MAPK8IP3: variants seen among roughly 807,000 people sequenced by gnomAD.
The protein encoded by MAPK8IP3 is mitogen-activated protein kinase 8 interacting protein 3, also known as C-Jun-amino-terminal kinase-interacting protein 3.
A neutral mutation model predicts 157.8 loss-of-function variants in MAPK8IP3; 49 were observed. The ratio of observed to expected loss-of-function variants is 0.31; its 90% CI spans 0.25 to 0.39. The LOEUF (loss-of-function observed/expected upper bound fraction) is 0.39. MAPK8IP3 is among the 10% of genes least tolerant of loss of function. MAPK8IP3 has a pLI of 1.00. For synonymous variants in MAPK8IP3, 897 were observed against 777.7 expected (o/e 1.15, Z -2.55); for missense variants, 1,478 against 1,889.4 (o/e 0.78, Z 4.04).
chr16:1,757,416 T>A (rs1000760894), intron 8 of MAPK8IP3, among the ~76,000 whole-genome samples: 2 of 152,186 alleles, frequency 1.3e-5, no homozygotes, highest in Non-Finnish European at 2.9e-5. Flanking sequence ...AGTGACTTTT[T>A]AATGCCATTT....
chr16:1,736,221 C>T (rs1384307122), intron 4 of MAPK8IP3, among the ~76,000 whole-genome samples: 1 of 97,960 alleles, frequency 1.0e-5, no homozygotes, highest in Non-Finnish European at 1.9e-5. Flanking sequence ...TCCGTGTGAG[C>T]GTCCGTGTAA....
chr16:1,737,025 C>T (rs2039976596), intron 4 of MAPK8IP3, among the ~76,000 whole-genome samples: 1 of 56,554 alleles, frequency 1.8e-5, no homozygotes, highest in Non-Finnish European at 3.3e-5. Context: ...AGAGTGTGAC[C>T]ATCCATGTGA....
chr16:1,713,937 C>G (rs1425975478), intron 1 of MAPK8IP3: 2 of 152,224 alleles, frequency 1.3e-5, no homozygotes, highest in Non-Finnish European at 2.9e-5. Context: ...CCCAGAGTTC[C>G]CTGTGTCCTA....
chr16:1,768,386 T>C lies in MAPK8IP3; in HGVS notation c.3742+8T>C, dbSNP rs372243879. On this transcript the variant is annotated splice_region_variant and intron_variant, in intron 30 of 31. Coordinates refer to ENST00000610761, the MANE Select transcript of MAPK8IP3 (RefSeq NM_001318852.2). ...TCTTTGTCTCGGTGCCAGGTGAGGC[T>C]GGGCCCCTCCTGCCATCCACATCCC... 9 of 1,599,054 alleles carry C rather than the reference T, an allele frequency of 5.6e-6. No homozygotes were observed. The highest frequency in any genetic ancestry group is 1.1e-5 in the South Asian group (1 of 91,006).
chr16:1,711,257 G>C (rs2037751711), intron 1 of MAPK8IP3, among the ~76,000 whole-genome samples: 1 of 152,226 alleles, frequency 6.6e-6, no homozygotes, highest in South Asian at 2.1e-4. Flanking sequence ...AAGGGGCTCA[G>C]GGGTCCCTGT....
At chr16:1,738,123 C>CGT (rs1208991585) in intron 4 of MAPK8IP3, among the ~76,000 whole-genome samples, 3 of 69,776 alleles carry the variant, frequency 4.3e-5, no homozygotes, top group Non-Finnish European at 7.6e-5. Flanking sequence ...TCCGTGTGAG[C>CGT]GTGACTGTCC....
intron 8 of MAPK8IP3, among the ~76,000 whole-genome samples, chr16:1,749,647 C>T (rs947383604): frequency 5.3e-5 from 8 of 152,254 alleles, no homozygotes; most frequent in Non-Finnish European, 8.8e-5. Context: ...TCAGGCATGA[C>T]AGGCGGGCAG....
Position 1,768,991 on chromosome 16 carries a change from G to C in MAPK8IP3, c.*167G>C. The C allele has an allele frequency of 2.7e-6, 2 of 739,702 alleles. No homozygotes were observed. The highest frequency in any genetic ancestry group is 2.7e-5 in the Admixed American group (1 of 36,978). The allele number at this position is 739,702 out of a possible 1,614,324, so 45.8% of individuals were successfully genotyped here. A position where few individuals can be genotyped will look rare whatever the true frequency, so the allele number is the denominator to read the frequency against. ...CAGCGGGCAGGGAGTGCGGGGATGC[G>C]GATCAGCTGGGAGGAGGAGGGGAGG... On this transcript the variant is annotated 3_prime_UTR_variant, in exon 32 of 32. Transcript: ENST00000610761.
At chr16:1,759,875 C>A in intron 10 of MAPK8IP3, 83 bp from the exon 11 acceptor site, 1 of 1,219,784 alleles carries the variant, frequency 8.2e-7, no homozygotes, top group Non-Finnish European at 1.2e-6. Flanking sequence ...TCTTTGGAAG[C>A]GTTGTTGCCC....
At position 1,769,235 on chromosome 16, in the gene MAPK8IP3, C is replaced by A. The variant is rs2042470004; in HGVS notation, c.*411C>A. On this transcript the variant is annotated 3_prime_UTR_variant, in exon 32 of 32. Transcript: ENST00000610761. ...GCTGCCTGCCCTGGGCCCACCTCTGCATGCTGCTCATGGGGCCACCCTGCC... is the reference window on the plus strand; with the variant it reads ...GCTGCCTGCCCTGGGCCCACCTCTGAATGCTGCTCATGGGGCCACCCTGCC... The A allele has an allele frequency of 2.2e-5, 5 of 224,388 alleles. No individual in the cohort carries two copies. In the South Asian group the frequency reaches 2.9e-4, roughly 13 times the overall value. 13.9% of individuals were successfully genotyped at this position (224,388 alleles called of 1,614,324 possible).
In MAPK8IP3 at chr16:1,769,797, G is replaced by A. The variant is rs562370638; in HGVS notation, c.*973G>A. 1.3e-3 allele frequency: 194 copies of A among 152,612 alleles called. No homozygotes were observed. The highest frequency in any genetic ancestry group is 2.2e-3 in the Non-Finnish European group (148 of 68,160). 9.5% of individuals were successfully genotyped at this position (152,612 alleles called of 1,614,324 possible). ...TCCACGGAGCCCAGCTCCCAGACAC[G>A]CTACTAAGTGCCTAGGGTTGCCCGC... On this transcript the variant is annotated 3_prime_UTR_variant, in exon 32 of 32. Coordinates refer to ENST00000610761, the MANE Select transcript of MAPK8IP3 (RefSeq NM_001318852.2).
At chr16:1,764,502 C>G (rs1439629627) in intron 19 of MAPK8IP3, 43 bp downstream of exon 19, 1 of 1,585,712 alleles carries the variant, frequency 6.3e-7, no homozygotes, top group African/African-American at 1.3e-5. Flanking sequence ...CTGGCTTAGT[C>G]TCAGGACAGC....
intron 1 of MAPK8IP3, among the ~76,000 whole-genome samples, chr16:1,713,032 A>T (rs2142279835): frequency 6.6e-6 from 1 of 152,308 alleles, no homozygotes; most frequent in South Asian, 2.1e-4. Flanking sequence ...GTGTGTGGAT[A>T]AAGGGAAGCC....
At chr16:1,733,951 G>A (rs952716532) in intron 4 of MAPK8IP3, among the ~76,000 whole-genome samples, 3 of 152,218 alleles carry the variant, frequency 2.0e-5, no homozygotes, top group African/African-American at 7.2e-5. Context: ...TGGGAGCAAC[G>A]CCAGCAGCAG....
intron 1 of MAPK8IP3, among the ~76,000 whole-genome samples, chr16:1,723,015 G>C (rs1218616880): frequency 6.6e-6 from 1 of 150,718 alleles, no homozygotes; most frequent in African/African-American, 2.4e-5. Flanking sequence ...TTTTTTGTTT[G>C]TTTGTTTTTG....
intron 4 of MAPK8IP3, among the ~76,000 whole-genome samples, chr16:1,737,580 G>A (rs1187523003): frequency 5.9e-5 from 6 of 101,308 alleles, no homozygotes; most frequent in African/African-American, 1.6e-4. Context: ...CTGTGTGACC[G>A]TCCGTGAGCA....
At chr16:1,758,044 C>A in intron 8 of MAPK8IP3, 104 bp from the exon 9 acceptor site, 1 of 1,193,090 alleles carries the variant, frequency 8.4e-7, no homozygotes, top group Non-Finnish European at 1.2e-6. Context: ...GCAGCCGAAT[C>A]ATTGCTGGGT....
At chr16:1,768,140 A>G (rs531901437) in intron 29 of MAPK8IP3, 33 bp downstream of exon 29, 5 of 1,611,996 alleles carry the variant, frequency 3.1e-6, no homozygotes, top group Middle Eastern at 3.3e-4. Context: ...CCCTCACGGG[A>G]GCCTCTCCCA....
chr16:1,724,475 A>G lies in MAPK8IP3; in HGVS notation c.319-82A>G, dbSNP rs751750848. 52 of 1,544,202 alleles carry G rather than the reference A, an allele frequency of 3.4e-5. No individual in the cohort carries two copies. Among genetic ancestry groups the G allele is most frequent in the Non-Finnish European group, 3.7e-5 (42 of 1,142,778 alleles). ...GGACATCTTTGGCCCCTGGGCCCTCAAAGCCTGCGGCCCTTCAAGTGAAAG... is the reference window on the plus strand; with the variant it reads ...GGACATCTTTGGCCCCTGGGCCCTCGAAGCCTGCGGCCCTTCAAGTGAAAG... On this transcript the variant is annotated intron_variant, in intron 1 of 31. Transcript: ENST00000610761. The surrounding 1 kb of genome is among the most constrained non-coding windows in gnomAD (Gnocchi z 4.1).
Sources: gnomAD v4.1 joint callset for allele counts (sites outside exome capture counted in the v4.1 genomes callset) on GRCh38, gnomAD v4.1.1 for gene constraint, Gnocchi (gnomAD v3.1) non-coding constraint, MANE v1.5 for transcripts, NCBI Gene and HGNC (gene_info 2026-07-23, HGNC 2026-07-21) for gene names.